The following PRKD3 variants were observed in gnomAD, a reference collection of about 807,000 sequenced individuals.
PRKD3 encodes the protein serine/threonine-protein kinase D3.
A neutral mutation model predicts 99.2 loss-of-function variants in PRKD3; 47 were observed. The ratio of observed to expected loss-of-function variants is 0.47; its 90% CI spans 0.38 to 0.60. The LOEUF is 0.60. Among genes scored for constraint, PRKD3 ranks in the 20% least tolerant of loss-of-function variants. PRKD3 has a pLI of 0.00. For synonymous variants in PRKD3, 392 were observed against 355.4 expected (o/e 1.10, Z -1.16); for missense variants, 1,019 against 1,088.4 (o/e 0.94, Z 0.90).
intron 14 of PRKD3, among the ~76,000 whole-genome samples, chr2:37,262,624 A>G (rs1331757642): frequency 1.3e-5 from 2 of 152,194 alleles, no homozygotes; most frequent in Admixed American, 6.5e-5. Flanking sequence ...ACTTTTATCA[A>G]CAGAGGTTGA....
At position 37,316,276 on chromosome 2, in the gene PRKD3, A is replaced by C. The variant is rs766582172; in HGVS notation, c.249T>G (p.Ser83=). ...TGGAGCACACAAGATCCTTGACAGC[A>C]GATAAAGACAGTTCCTGGGCTTCAA... ...VTIEAQELSL[S]AVKDLVCSIV... Residue 83 remains serine, a synonymous_variant, in exon 2 of 19, where the codon TCT becomes TCG. Coordinates refer to ENST00000234179, the MANE Select transcript of PRKD3 (RefSeq NM_005813.6). The C allele has an allele frequency of 3.7e-6, 6 of 1,614,118 alleles. No homozygotes were observed. In the Admixed American group the frequency reaches 6.7e-5, roughly 18 times the overall value.
At position 37,315,809 on chromosome 2, in the gene PRKD3, C is replaced by T. The variant is rs542189513; in HGVS notation, c.288+428G>A. On this transcript the variant is annotated intron_variant, in intron 2 of 18. Coordinates refer to ENST00000234179, the MANE Select transcript of PRKD3 (RefSeq NM_005813.6). The stretch of plus-strand genomic sequence containing the variant: ...TATCTCAGCTCACTGCAACCTCCGC[C>T]GCCTGCCCTGCTCCCCACGATTCTC... Among the ~76,000 whole-genome samples the T allele has an allele frequency of 5.9e-5, 9 of 152,328 alleles. No individual in the cohort carries two copies. In the South Asian group the frequency reaches 8.3e-4, roughly 14 times the overall value.
rs1667591763 is a variant in PRKD3, at chr2:37,252,718, A to AT, written c.*458_*459insA. 6.6e-6 allele frequency: 1 copy of AT among 152,006 alleles called. No homozygotes were observed. Among genetic ancestry groups the AT allele is most frequent in the South Asian group, 2.1e-4 (1 of 4,820 alleles). 9.4% of individuals were successfully genotyped at this position (152,006 alleles called of 1,614,324 possible). The stretch of plus-strand genomic sequence containing the variant: ...ATCACATAATGGTAACCTCACAGTT[A>AT]CCTCTTAAATACAAGCCTGTCGAGT... On this transcript the variant is annotated 3_prime_UTR_variant, in exon 19 of 19. Coordinates refer to ENST00000234179, the MANE Select transcript of PRKD3 (RefSeq NM_005813.6).
chr2:37,312,439 G>C (rs1004488201), intron 2 of PRKD3, among the ~76,000 whole-genome samples: 12 of 152,276 alleles, frequency 7.9e-5, no homozygotes, highest in African/African-American at 2.9e-4. Flanking sequence ...GGCAAACACA[G>C]CTTTTCTATC....
intron 2 of PRKD3, among the ~76,000 whole-genome samples, chr2:37,296,912 A>G (rs1292206086): frequency 6.6e-6 from 1 of 151,308 alleles, no homozygotes; most frequent in African/African-American, 2.4e-5. Context: ...AAAAAAAAAA[A>G]AAAAAAAAAA....
In PRKD3 at chr2:37,256,894, A is replaced by G; in HGVS notation, c.2181T>C (p.Ile727=). Residue 727 remains isoleucine (I), a synonymous_variant, in exon 17 of 19, where the codon ATT becomes ATC. Transcript: ENST00000234179. ...CAGATCTCCTGAATGACTTTTCACC[A>G]ATGATGCGTGCAAATCCAAAGTCAC... ...KLCDFGFARI[I]GEKSFRRSVV... 6.2e-7 allele frequency: 1 copy of G among 1,614,052 alleles called. No individual in the cohort carries two copies. The highest frequency in any genetic ancestry group is 8.5e-7 in the Non-Finnish European group (1 of 1,180,004).
At chr2:37,307,286 G>A (rs1178370342) in intron 2 of PRKD3, among the ~76,000 whole-genome samples, 1 of 152,164 alleles carries the variant, frequency 6.6e-6, no homozygotes, top group Non-Finnish European at 1.5e-5. Flanking sequence ...ACATTCTTAT[G>A]TGGAATAAGG....
At chr2:37,290,643 G>C (rs916582556) in intron 4 of PRKD3, among the ~76,000 whole-genome samples, 9 of 152,228 alleles carry the variant, frequency 5.9e-5, no homozygotes, top group Admixed American at 1.3e-4. Context: ...TATGAAACCA[G>C]TGGGGCAGAA....
At chr2:37,291,491 C>T (rs1348755585) in intron 3 of PRKD3, among the ~76,000 whole-genome samples, 5 of 152,172 alleles carry the variant, frequency 3.3e-5, no homozygotes, top group Non-Finnish European at 7.3e-5. Context: ...TAGTGAACGT[C>T]GGGACAGTAG....
In PRKD3 at chr2:37,274,547, C is replaced by G. The variant is rs56291422; in HGVS notation, c.1525G>C (p.Val509Leu). 195 of 1,614,116 alleles carry G rather than the reference C, an allele frequency of 1.2e-4. No individual in the cohort carries two copies. In the South Asian group the frequency reaches 1.9e-3, roughly 16 times the overall value. Residue 509 changes from valine to leucine, a missense_variant, in exon 11 of 19, where the codon GTT becomes CTT. By Grantham distance (32) the Val-to-Leu change is conservative (BLOSUM62 1). Coordinates refer to ENST00000234179, the MANE Select transcript of PRKD3 (RefSeq NM_005813.6). ...AGTCCAACTCCAGTGGCAGCAAGAA[C>G]AGGATTATGAGAGCTGTCCCCATTG... ...ENNGDSSHNP[V>L]LAATGVGLDV... is the part of the protein sequence containing the mutation.
chr2:37,256,567 T>C (rs1028504048), intron 17 of PRKD3, 95 bp downstream of exon 17: 8 of 1,366,868 alleles, frequency 5.9e-6, no homozygotes, highest in East Asian at 2.5e-5. Flanking sequence ...AAAAGATAAG[T>C]TGCAAGAGAC....
intron 13 of PRKD3, chr2:37,268,508 G>A (rs1485492345): frequency 2.8e-6 from 1 of 351,034 alleles, no homozygotes; most frequent in Middle Eastern, 7.5e-4. Context: ...CTCCAATAAA[G>A]TTCAGTGGGA....
At chr2:37,297,786 T>A (rs925992787) in intron 2 of PRKD3, among the ~76,000 whole-genome samples, 1 of 152,184 alleles carries the variant, frequency 6.6e-6, no homozygotes, top group African/African-American at 2.4e-5. Context: ...TAAAGTGCCA[T>A]TCTCATTGCA....
At chr2:37,305,912 T>C (rs568009675) in intron 2 of PRKD3, among the ~76,000 whole-genome samples, 1 of 152,272 alleles carries the variant, frequency 6.6e-6, no homozygotes, top group South Asian at 2.1e-4. Context: ...GTGGACTTTA[T>C]GACACTAGTT....
At chr2:37,265,488 TACACAC>T (rs149325155) in intron 14 of PRKD3, among the ~76,000 whole-genome samples, 11 of 150,052 alleles carry the variant, frequency 7.3e-5, no homozygotes, top group Non-Finnish European at 1.5e-4. Context: ...ATCTTTATAC[TACACAC>T]ACACACACAC....
intron 9 of PRKD3, among the ~76,000 whole-genome samples, chr2:37,276,484 AT>A (rs950878521): frequency 2.6e-5 from 4 of 152,052 alleles, no homozygotes; most frequent in Non-Finnish European, 5.9e-5. Context: ...CTCTGTTCAT[AT>A]TCTTTGTCCA....
chr2:37,269,837 C>G (rs1467345544), intron 12 of PRKD3, 150 bp from the exon 13 acceptor site: 1 of 621,720 alleles, frequency 1.6e-6, no homozygotes, highest in African/African-American at 1.8e-5. Flanking sequence ...AAAACACAGG[C>G]TTTCTATGTT....
rs1051373343 is a variant in PRKD3 at position 37,313,861 on chromosome 2, C to T, written c.288+2376G>A. ...ATCATATATCAGAACACACCTTCAA[C>T]TTAATATTTTCAACTTGCCATGGGT... On this transcript the variant is annotated intron_variant, in intron 2 of 18. Coordinates refer to ENST00000234179, the MANE Select transcript of PRKD3 (RefSeq NM_005813.6). Among the ~76,000 whole-genome samples the T allele has an allele frequency of 5.9e-4, 90 of 152,128 alleles. 1 individual carries two copies. The highest frequency in any genetic ancestry group is 3.7e-4 in the Non-Finnish European group (25 of 68,008).
rs747470766 is a variant in PRKD3 at position 37,290,831 on chromosome 2, T to C, written c.559+37A>G. 2.6e-6 allele frequency: 4 copies of C among 1,538,144 alleles called. No homozygotes were observed. The South Asian group carries it at 3.6e-5, about 14-fold the overall frequency. On this transcript the variant is annotated intron_variant, in intron 4 of 18. Coordinates refer to ENST00000234179, the MANE Select transcript of PRKD3 (RefSeq NM_005813.6). ...TAATAAAAAATGCAAATGTGGAATCTTATTTCAAATGACCACAAAAATTTT... is the reference window on the plus strand; with the variant it reads ...TAATAAAAAATGCAAATGTGGAATCCTATTTCAAATGACCACAAAAATTTT...
Sources: allele counts gnomAD v4.1 joint callset (sites outside exome capture counted in the v4.1 genomes callset), GRCh38; gene constraint gnomAD v4.1.1; transcripts MANE v1.5; gene names NCBI Gene and HGNC (gene_info 2026-07-23, HGNC 2026-07-21).